PCMT1: variants seen among roughly 807,000 people sequenced by gnomAD.
The protein encoded by PCMT1 is protein-L-isoaspartate(D-aspartate) O-methyltransferase.
Under a neutral mutation model 29.2 loss-of-function variants are expected in PCMT1, and 9 were observed. The observed-to-expected ratio is 0.31, with a 90% CI of 0.19 to 0.54. The LOEUF (loss-of-function observed/expected upper bound fraction) is 0.54. PCMT1 is among the 20% of genes least tolerant of loss of function. The pLI is 0.95. For synonymous variants in PCMT1, 98 were observed against 97.5 expected (o/e 1.00, Z -0.03); for missense variants, 184 against 282.2 (o/e 0.65, Z 2.49).
Position 149,781,070 on chromosome 6 carries a change from T to C in PCMT1, c.192+7901T>C, listed in dbSNP as rs571225962. Among the ~76,000 whole-genome samples, 6 of 152,240 alleles carry C rather than the reference T, an allele frequency of 3.9e-5. No homozygotes were observed. The South Asian group carries it at 1.2e-3, about 32-fold the overall frequency. The stretch of plus-strand genomic sequence containing the variant: ...CTAGTGACTATGAAGTGGTGTCTCA[T>C]TGTGGTTTTGATTTGCATTTCCCTA... On this transcript the variant is annotated intron_variant, in intron 3 of 7. Coordinates refer to ENST00000464889, the MANE Select transcript of PCMT1 (RefSeq NM_001360452.2).
At chr6:149,779,811 C>CA (rs60563679) in intron 3 of PCMT1, among the ~76,000 whole-genome samples, 187 of 133,566 alleles carry the variant, frequency 1.4e-3, no homozygotes, top group East Asian at 4.4e-3. Context: ...AACTCTGACT[C>CA]AAAAAAAAAA....
intron 7 of PCMT1, among the ~76,000 whole-genome samples, chr6:149,804,941 A>T (rs1001255904): frequency 6.6e-6 from 1 of 152,120 alleles, no homozygotes; most frequent in Non-Finnish European, 1.5e-5. Flanking sequence ...AACTATTTGT[A>T]TTAAGAAATT....
chr6:149,758,582 C>T (rs1244609013), intron 1 of PCMT1, among the ~76,000 whole-genome samples: 1 of 151,846 alleles, frequency 6.6e-6, no homozygotes, highest in African/African-American at 2.4e-5. Flanking sequence ...GTTTTAGTAG[C>T]CAGCTACAGA....
chr6:149,781,216 T>A (rs1413312588), intron 3 of PCMT1, among the ~76,000 whole-genome samples: 3 of 131,268 alleles, frequency 2.3e-5, no homozygotes, highest in African/African-American at 6.2e-5. Flanking sequence ...TTTTTTTTTT[T>A]AGATAATTAA....
At chr6:149,756,530 T>A (rs1786515588) in intron 1 of PCMT1, among the ~76,000 whole-genome samples, 3 of 142,052 alleles carry the variant, frequency 2.1e-5, no homozygotes, top group South Asian at 2.3e-4. Context: ...TTTTTTTTTT[T>A]TTTTTTTTTT....
At chr6:149,764,995 C>T (rs550489077) in intron 1 of PCMT1, among the ~76,000 whole-genome samples, 7 of 142,364 alleles carry the variant, frequency 4.9e-5, no homozygotes, top group Non-Finnish European at 1.1e-4. Flanking sequence ...GAGCCGAGAT[C>T]GCGCCACTGC....
chr6:149,754,157 A>G (rs1319484758), intron 1 of PCMT1, among the ~76,000 whole-genome samples: 1 of 152,234 alleles, frequency 6.6e-6, no homozygotes, highest in Non-Finnish European at 1.5e-5. Context: ...GGTAGCTACT[A>G]GCTACATGTG....
intron 7 of PCMT1, among the ~76,000 whole-genome samples, chr6:149,807,065 A>G (rs1272663931): frequency 6.6e-6 from 1 of 152,232 alleles, no homozygotes; most frequent in Non-Finnish European, 1.5e-5. Flanking sequence ...ATTTTTAAAA[A>G]TGAGAATTAG....
At chr6:149,785,589 A>G (rs996245274) in intron 3 of PCMT1, among the ~76,000 whole-genome samples, 22 of 151,986 alleles carry the variant, frequency 1.4e-4, no homozygotes, top group Admixed American at 3.9e-4. Context: ...GGTACTTGAG[A>G]TTAGGGAGTG....
intron 3 of PCMT1, among the ~76,000 whole-genome samples, chr6:149,785,661 C>T (rs1257169822): frequency 2.0e-5 from 3 of 151,964 alleles, no homozygotes; most frequent in South Asian, 2.1e-4. Context: ...CATCTTGCAC[C>T]GCCCTTAATC....
At position 149,810,765 on chromosome 6, in the gene PCMT1, T is replaced by A; in HGVS notation, c.*187T>A. 1 of 632,034 alleles carries A rather than the reference T, an allele frequency of 1.6e-6. No homozygotes were observed. The highest frequency in any genetic ancestry group is 2.5e-5 in the South Asian group (1 of 40,690). The allele number at this position is 632,034 out of a possible 1,614,324, so 39.2% of individuals were successfully genotyped here. On this transcript the variant is annotated 3_prime_UTR_variant, in exon 8 of 8. Coordinates refer to ENST00000464889, the MANE Select transcript of PCMT1 (RefSeq NM_001360452.2). ...TATTTTCAGCATGAAAATGTGTGTT[T>A]TTTTAGGGTTTCTGATTCTTCAAAG...
rs755730593 is a variant in PCMT1 at position 149,766,053 on chromosome 6, G to A, written c.56-5109G>A. ...TTTGATTCCTTCTATTACCTGTACA[G>A]CAGTCAGTGATCTAATTATACTTTC... On this transcript the variant is annotated intron_variant, in intron 1 of 7. Transcript: ENST00000464889. Among the ~76,000 whole-genome samples the A allele has an allele frequency of 7.9e-5, 12 of 151,350 alleles. No homozygotes were observed. The South Asian group carries it at 1.9e-3, about 24-fold the overall frequency.
Position 149,788,087 on chromosome 6 carries a change from T to G in PCMT1, c.193-1867T>G, listed in dbSNP as rs767571168. ...CGCCCACCACCACGCCCAGCTAATT[T>G]TTTGTATTTTTAGTAGAGATGGGGT... is the stretch of plus-strand genomic sequence containing the variant. On this transcript the variant is annotated intron_variant, in intron 3 of 7. Transcript: ENST00000464889. Among the ~76,000 whole-genome samples the G allele has an allele frequency of 4.3e-4, 65 of 152,028 alleles. 1 individual carries two copies. Among genetic ancestry groups the G allele is most frequent in the Non-Finnish European group, 5.4e-4 (37 of 68,006 alleles).
chr6:149,807,337 T>C (rs1316606518), intron 7 of PCMT1, among the ~76,000 whole-genome samples: 1 of 152,064 alleles, frequency 6.6e-6, no homozygotes, highest in East Asian at 1.9e-4. Context: ...TGTAAAAATA[T>C]TTTGTTAATC....
intron 1 of PCMT1, among the ~76,000 whole-genome samples, chr6:149,767,855 G>A (rs531816146): frequency 3.3e-4 from 50 of 149,306 alleles, no homozygotes; most frequent in African/African-American, 1.2e-3. Flanking sequence ...GTGCAGTGGC[G>A]CGATCTTGGC....
chr6:149,806,983 A>G (rs1162478896), intron 7 of PCMT1, among the ~76,000 whole-genome samples: 1 of 152,168 alleles, frequency 6.6e-6, no homozygotes, highest in Non-Finnish European at 1.5e-5. Flanking sequence ...CTGAGGAATA[A>G]TCCAGAGCTA....
Position 149,796,041 on chromosome 6 carries a change from T to A in PCMT1, c.419-374T>A, listed in dbSNP as rs1030805728. 6 of 178,992 alleles carry A rather than the reference T, an allele frequency of 3.4e-5. 1 individual carries two copies. The highest frequency in any genetic ancestry group is 1.4e-4 in the African/African-American group (6 of 41,760). 11.1% of individuals were successfully genotyped at this position (178,992 alleles called of 1,614,324 possible). On this transcript the variant is annotated intron_variant, in intron 5 of 7. Coordinates refer to ENST00000464889, the MANE Select transcript of PCMT1 (RefSeq NM_001360452.2). ...TACTAATGCTTTCGTTCTTAAGAGT[T>A]GTGGGATAGAGGCTGGGCGCAGTGT...
intron 5 of PCMT1, chr6:149,794,977 C>T (rs1788540206): frequency 5.1e-6 from 2 of 392,824 alleles, no homozygotes; most frequent in African/African-American, 2.1e-5. Context: ...GGGCGGATCA[C>T]TTGTCAGGAG....
At chr6:149,803,229 A>T (rs1042746188) in intron 7 of PCMT1, among the ~76,000 whole-genome samples, 1 of 152,144 alleles carries the variant, frequency 6.6e-6, no homozygotes, top group African/African-American at 2.4e-5. Flanking sequence ...CAACCAAATC[A>T]TAGATACCTG....
Sources: allele counts gnomAD v4.1 joint callset (sites outside exome capture counted in the v4.1 genomes callset), GRCh38; gene constraint gnomAD v4.1.1; transcripts MANE v1.5; gene names NCBI Gene and HGNC (gene_info 2026-07-23, HGNC 2026-07-21).